MAP3K7: variants seen among roughly 807,000 people sequenced by gnomAD.
MAP3K7 encodes the protein TGF-beta activated kinase 1.
Under a neutral mutation model 84.8 loss-of-function variants are expected in MAP3K7, and 21 were observed. The observed-to-expected ratio is 0.25, with a 90% CI of 0.18 to 0.36. The LOEUF (loss-of-function observed/expected upper bound fraction) is 0.36. Ranked by LOEUF, MAP3K7 falls within the 10% of genes least tolerant of loss-of-function variation. The probability of loss-of-function intolerance (pLI) is 1.00; values close to 1 mark genes in which losing one functional copy is unlikely to be tolerated. For missense variants in MAP3K7, 503 were observed against 747.7 expected, an observed-to-expected ratio of 0.67 and a Z score of 3.82; for synonymous variants, 241 against 247.7, an observed-to-expected ratio of 0.97 and a Z score of 0.25.
rs570831363 is a variant in MAP3K7, at chr6:90,514,401, A to T, written c.*2100T>A. 49 of 152,174 alleles carry T rather than the reference A, an allele frequency of 3.2e-4. No homozygotes were observed. The highest frequency in any genetic ancestry group is 1.1e-3 in the African/African-American group (46 of 41,560). The allele number at this position is 152,174 out of a possible 1,614,324, so 9.4% of individuals were successfully genotyped here. A position where few individuals can be genotyped will look rare whatever the true frequency, so the allele number is the denominator to read the frequency against. Reference sequence around the variant, plus strand: ...AATGTCCAGGGCAACTACAGTACTGAAAATCTCAAGGAACTTACTGTAAAC... The same window carrying T: ...AATGTCCAGGGCAACTACAGTACTGTAAATCTCAAGGAACTTACTGTAAAC... On this transcript the variant is annotated 3_prime_UTR_variant, in exon 17 of 17. Transcript: ENST00000369329.
At chr6:90,564,294 A>G (rs957591221) in intron 3 of MAP3K7, among the ~76,000 whole-genome samples, 1 of 152,192 alleles carries the variant, frequency 6.6e-6, no homozygotes, top group African/African-American at 2.4e-5. Context: ...GAGAGTCAAG[A>G]CCAGTAAGTG....
At chr6:90,519,935 G>A (rs1046966569) in intron 14 of MAP3K7, among the ~76,000 whole-genome samples, 1 of 152,028 alleles carries the variant, frequency 6.6e-6, no homozygotes, top group Non-Finnish European at 1.5e-5. Context: ...GTTGAAACCT[G>A]TGGCTCAATG....
chr6:90,557,615 T>C (rs1339366668), intron 5 of MAP3K7, among the ~76,000 whole-genome samples: 7 of 152,196 alleles, frequency 4.6e-5, no homozygotes, highest in African/African-American at 9.6e-5. Context: ...TCTTACACTT[T>C]TTACCCAAGA....
At chr6:90,578,402 G>A (rs1338387232) in intron 1 of MAP3K7, among the ~76,000 whole-genome samples, 3 of 152,070 alleles carry the variant, frequency 2.0e-5, no homozygotes, top group South Asian at 2.1e-4. Context: ...CCACCCCAAA[G>A]TAGCTGGGAT....
chr6:90,583,132 A>G (rs892779913), intron 1 of MAP3K7, among the ~76,000 whole-genome samples: 2 of 152,040 alleles, frequency 1.3e-5, no homozygotes, highest in African/African-American at 4.8e-5. Flanking sequence ...ATCTGCCCGC[A>G]CTGGCCCTCC....
In MAP3K7 at chr6:90,516,504, T is replaced by A; in HGVS notation, c.1818A>T (p.Ser606=). The A allele has an allele frequency of 6.2e-7, 1 of 1,610,116 alleles. No individual in the cohort carries two copies. Among genetic ancestry groups the A allele is most frequent in the Non-Finnish European group, 8.5e-7 (1 of 1,178,474 alleles). The part of the protein sequence containing the change: ...RSQQQKRQGT[S] The stretch of plus-strand genomic sequence containing the variant: ...AAAATGTAACGGTCCCAGAGAATCA[T>A]GAAGTGCCTTGTCGTTTCTGCTGCT... Residue 606 remains serine, a synonymous_variant, in exon 17 of 17, where the codon TCA becomes TCT. Coordinates refer to ENST00000369329, the MANE Select transcript of MAP3K7 (RefSeq NM_145331.3).
At position 90,550,513 on chromosome 6, in the gene MAP3K7, A is replaced by G; in HGVS notation, c.904T>C (p.Cys302Arg). The change falls in exon 9 of 17, where the codon TGT (cysteine) becomes CGT (arginine). Residue 302 changes from cysteine (C) to arginine (R), a missense_variant. Cys to Arg is a radical substitution (Grantham distance 180). Transcript: ENST00000369329. ...CTCTGTCCTTCATCTGAATACTGAC[A>G]AGGATACTGTAATGGCTCATCTGCT... is the stretch of plus-strand genomic sequence containing the variant. Reference protein sequence around the residue: ...PGADEPLQYPCQYSDEGQSNS... With the variant: ...PGADEPLQYPRQYSDEGQSNS... 6.2e-7 allele frequency: 1 copy of G among 1,611,888 alleles called. No homozygotes were observed. The highest frequency in any genetic ancestry group is 8.5e-7 in the Non-Finnish European group (1 of 1,178,520).
chr6:90,536,893 C>T (rs576742684), intron 12 of MAP3K7: 2 of 154,060 alleles, frequency 1.3e-5, no homozygotes, highest in Non-Finnish European at 2.9e-5. Flanking sequence ...TATATTGAGT[C>T]ACGCTTACTT....
intron 6 of MAP3K7, 93 bp from the exon 7 acceptor site, chr6:90,553,679 G>A (rs1229021154): frequency 1.9e-6 from 2 of 1,042,058 alleles, no homozygotes; most frequent in South Asian, 1.6e-5. Flanking sequence ...GGGTATCAGG[G>A]ATAAAAATGA....
chr6:90,518,756 T>TTAGATTTAAATAGAC (rs1484415840), intron 15 of MAP3K7, among the ~76,000 whole-genome samples, 194 bp from the exon 16 acceptor site: 3 of 151,896 alleles, frequency 2.0e-5, no homozygotes, highest in Non-Finnish European at 4.4e-5. Flanking sequence ...AAATCTATTC[T>TTAGATTTAAATAGAC]TGCTGTTTTA....
At chr6:90,543,552 G>A (rs1250037016) in intron 12 of MAP3K7, among the ~76,000 whole-genome samples, 1 of 152,002 alleles carries the variant, frequency 6.6e-6, no homozygotes, top group Non-Finnish European at 1.5e-5. Context: ...CAAAGATATG[G>A]ATTCTATCCT....
rs995885176 is a variant in MAP3K7, at chr6:90,586,964, A to C, written c.-81T>G. On this transcript the variant is annotated 5_prime_UTR_variant, in exon 1 of 17. Transcript: ENST00000369329. ...GAGACCCGCGCCCACCCGCCTCCGG[A>C]CCGACCCTCAGCCTGGAGCCGCGCA... 6.9e-7 allele frequency: 1 copy of C among 1,444,234 alleles called. No individual in the cohort carries two copies. 89.5% of individuals were successfully genotyped at this position (1,444,234 alleles called of 1,614,324 possible). A position where few individuals can be genotyped will look rare whatever the true frequency, so the allele number is the denominator to read the frequency against.
Position 90,571,547 on chromosome 6 carries a change from T to C in MAP3K7, c.231+150A>G, listed in dbSNP as rs1196832625. The C allele has an allele frequency of 4.0e-5, 17 of 429,290 alleles. No individual in the cohort carries two copies. In the East Asian group the frequency reaches 5.4e-4, roughly 14 times the overall value. The allele number at this position is 429,290 out of a possible 1,614,324, so 26.6% of individuals were successfully genotyped here. On this transcript the variant is annotated intron_variant, in intron 2 of 16. Transcript: ENST00000369329. ...AATTAAGAGTATGAACGAGAAAATG[T>C]TCCTATGGCAGTACCTTTGATTAAA... is the stretch of plus-strand genomic sequence containing the variant.
intron 1 of MAP3K7, among the ~76,000 whole-genome samples, chr6:90,576,418 G>GTC (rs200767790): frequency 0.058 from 3,407 of 58,298 alleles, 68 homozygotes; most frequent in Middle Eastern, 0.09. Flanking sequence ...GCTAGACTCT[G>GTC]TCACACACAC....
chr6:90,566,883 G>C (rs1269964083), intron 3 of MAP3K7, among the ~76,000 whole-genome samples: 1 of 152,136 alleles, frequency 6.6e-6, no homozygotes, highest in African/African-American at 2.4e-5. Context: ...CAATGGAACA[G>C]AACAGAGCCC....
At chr6:90,581,976 G>A (rs1250537919) in intron 1 of MAP3K7, among the ~76,000 whole-genome samples, 1 of 152,172 alleles carries the variant, frequency 6.6e-6, no homozygotes, top group Non-Finnish European at 1.5e-5. Flanking sequence ...TAACAAAGCT[G>A]AAGAATATAT....
intron 1 of MAP3K7, among the ~76,000 whole-genome samples, chr6:90,573,007 T>C (rs1282147213): frequency 2.0e-5 from 3 of 152,172 alleles, no homozygotes; most frequent in East Asian, 3.8e-4. Context: ...CTCTTAACCA[T>C]ATTTATATGT....
At chr6:90,564,876 G>A (rs1776650936) in intron 3 of MAP3K7, among the ~76,000 whole-genome samples, 1 of 152,162 alleles carries the variant, frequency 6.6e-6, no homozygotes, top group South Asian at 2.1e-4. Context: ...CTGTCTCTCT[G>A]ACCACAGTGG....
intron 13 of MAP3K7, among the ~76,000 whole-genome samples, chr6:90,528,082 G>T (rs1205769641): frequency 4.9e-5 from 1 of 20,320 alleles, no homozygotes; most frequent in East Asian, 5.7e-4. Flanking sequence ...GTTTCACCGT[G>T]TTAGCCAGAA....
Sources: gnomAD v4.1 joint callset for allele counts (sites outside exome capture counted in the v4.1 genomes callset) on GRCh38, gnomAD v4.1.1 for gene constraint, MANE v1.5 for transcripts, NCBI Gene and HGNC (gene_info 2026-07-23, HGNC 2026-07-21) for gene names.